Variants in VSNL1 observed in about 807,000 individuals in gnomAD.
VSNL1 encodes the protein visinin like 1, also known as visinin-like protein 1.
A neutral mutation model predicts 20.4 loss-of-function variants in VSNL1; 6 were observed. The observed-to-expected ratio is 0.29, with a 90% CI of 0.16 to 0.58. The LOEUF (loss-of-function observed/expected upper bound fraction) is 0.58. Ranked by LOEUF, VSNL1 falls within the 20% of genes least tolerant of loss-of-function variation. The pLI, the probability that VSNL1 is intolerant of heterozygous loss-of-function variation, is 0.90. For synonymous variants in VSNL1, 93 were observed against 86.4 expected (o/e 1.08, Z -0.42); for missense variants, 100 against 234.5 (o/e 0.43, Z 3.75).
At chr2:17,579,097 CTTCT>C (rs1230081117) in intron 1 of VSNL1, among the ~76,000 whole-genome samples, 10 of 152,042 alleles carry the variant, frequency 6.6e-5, no homozygotes, top group South Asian at 2.1e-4. Flanking sequence ...ACAAAGCCCC[CTTCT>C]TTCTTTCTTT....
At chr2:17,630,574 T>A (rs1027689339) in intron 2 of VSNL1, among the ~76,000 whole-genome samples, 2 of 152,168 alleles carry the variant, frequency 1.3e-5, no homozygotes, top group African/African-American at 4.8e-5. Context: ...ATTTTAAAGT[T>A]CCTCTGGAAG....
chr2:17,650,336 G>T (rs1171279007), intron 3 of VSNL1, among the ~76,000 whole-genome samples: 1 of 152,142 alleles, frequency 6.6e-6, no homozygotes, highest in East Asian at 1.9e-4. Flanking sequence ...ACCAAGAGGG[G>T]TTTTGTCCCA....
intron 2 of VSNL1, among the ~76,000 whole-genome samples, chr2:17,643,739 G>A (rs1665932720): frequency 6.6e-6 from 1 of 152,156 alleles, no homozygotes. Flanking sequence ...GTGTAACAGG[G>A]GTCTGACCCA....
At chr2:17,562,596 A>C (rs552829368) in intron 1 of VSNL1, among the ~76,000 whole-genome samples, 1 of 152,164 alleles carries the variant, frequency 6.6e-6, no homozygotes, top group Non-Finnish European at 1.5e-5. Flanking sequence ...AGGTTTAAAA[A>C]CTAGAGTCTA....
At chr2:17,609,659 T>C (rs1665037616) in intron 2 of VSNL1, among the ~76,000 whole-genome samples, 2 of 152,214 alleles carry the variant, frequency 1.3e-5, no homozygotes, top group South Asian at 2.1e-4. Flanking sequence ...AGTGCTAAAA[T>C]ACCCTGTTCT....
At chr2:17,595,041 C>T (rs867911825) in intron 2 of VSNL1, among the ~76,000 whole-genome samples, 1 of 152,308 alleles carries the variant, frequency 6.6e-6, no homozygotes, top group South Asian at 2.1e-4. Context: ...CAGGGCAGCT[C>T]CTCATTAACA....
intron 1 of VSNL1, among the ~76,000 whole-genome samples, chr2:17,565,327 T>G (rs1180330420): frequency 2.0e-5 from 3 of 152,228 alleles, no homozygotes; most frequent in African/African-American, 7.2e-5. Context: ...CCAGAAGTTA[T>G]GAATATTAAT....
chr2:17,648,702 T>C (rs1225114016), intron 2 of VSNL1, among the ~76,000 whole-genome samples: 1 of 152,190 alleles, frequency 6.6e-6, no homozygotes, highest in Non-Finnish European at 1.5e-5. Context: ...CCCCATGGCC[T>C]TCCCTCCTTG....
At chr2:17,611,315 C>T (rs1665080399) in intron 2 of VSNL1, among the ~76,000 whole-genome samples, 1 of 152,228 alleles carries the variant, frequency 6.6e-6, no homozygotes, top group Non-Finnish European at 1.5e-5. Flanking sequence ...GTTCTAACTT[C>T]ACATTTCCCA....
chr2:17,581,397 C>T (rs1360688829), intron 1 of VSNL1, among the ~76,000 whole-genome samples: 2 of 152,148 alleles, frequency 1.3e-5, no homozygotes, highest in African/African-American at 4.8e-5. Flanking sequence ...CCACCCATAT[C>T]CATCAATGTA....
chr2:17,554,594 A>T (rs1615739), intron 1 of VSNL1, among the ~76,000 whole-genome samples: 44,530 of 151,968 alleles, frequency 0.29, 8,328 homozygotes, highest in East Asian at 0.87. Context: ...AACAACCAGA[A>T]CTAAAGAGGG....
chr2:17,581,957 A>C (rs879570225), intron 1 of VSNL1, among the ~76,000 whole-genome samples: 2 of 152,216 alleles, frequency 1.3e-5, no homozygotes, highest in Non-Finnish European at 2.9e-5. Flanking sequence ...TACAGATACT[A>C]CTGTGGCAGG....
At chr2:17,579,309 G>T (rs986619116) in intron 1 of VSNL1, among the ~76,000 whole-genome samples, 1 of 151,978 alleles carries the variant, frequency 6.6e-6, no homozygotes, top group African/African-American at 2.4e-5. Flanking sequence ...TAGGGACGGG[G>T]TTTCACTGTG....
chr2:17,616,194 G>A (rs1665213142), intron 2 of VSNL1, among the ~76,000 whole-genome samples: 1 of 152,222 alleles, frequency 6.6e-6, no homozygotes. Flanking sequence ...CTCCAGCCTT[G>A]TACTCAAGCT....
intron 1 of VSNL1, among the ~76,000 whole-genome samples, chr2:17,568,382 C>T (rs62131531): frequency 0.029 from 4,356 of 152,262 alleles, 72 homozygotes; most frequent in East Asian, 0.098. Context: ...ATTTTCCCAC[C>T]TCAGCCTCCC....
intron 2 of VSNL1, among the ~76,000 whole-genome samples, chr2:17,647,312 C>T (rs1468145597): frequency 3.3e-5 from 5 of 152,062 alleles, no homozygotes; most frequent in Non-Finnish European, 7.4e-5. Context: ...GGTCTCATGC[C>T]AACTGCACAT....
At chr2:17,568,705 A>T (rs1249304668) in intron 1 of VSNL1, among the ~76,000 whole-genome samples, 1 of 152,076 alleles carries the variant, frequency 6.6e-6, no homozygotes, top group Non-Finnish European at 1.5e-5. Context: ...CAACTACTTC[A>T]TTCTGGTTTC....
intron 1 of VSNL1, among the ~76,000 whole-genome samples, chr2:17,587,373 A>C (rs981281801): frequency 2.0e-5 from 3 of 151,482 alleles, no homozygotes; most frequent in Non-Finnish European, 4.4e-5. Flanking sequence ...ACACACACAC[A>C]CACACACACA....
At chr2:17,653,506 A>G (rs573349980) in intron 3 of VSNL1, among the ~76,000 whole-genome samples, 25 of 152,320 alleles carry the variant, frequency 1.6e-4, no homozygotes, top group African/African-American at 6.0e-4. Context: ...CACTCTGGCT[A>G]CTAGACTAAT....
Sources: gnomAD v4.1 joint callset for allele counts (sites outside exome capture counted in the v4.1 genomes callset) on GRCh38, gnomAD v4.1.1 for gene constraint, MANE v1.5 for transcripts, NCBI Gene and HGNC (gene_info 2026-07-23, HGNC 2026-07-21) for gene names.